The following GRM1 variants were observed in gnomAD, a reference collection of about 807,000 sequenced individuals.
GRM1 encodes metabotropic glutamate receptor 1.
A neutral mutation model predicts 90.9 loss-of-function variants in GRM1; 33 were observed. The observed-to-expected ratio is 0.36, with a 90% CI of 0.28 to 0.49. The LOEUF is 0.49. Ranked by LOEUF, GRM1 falls within the 20% of genes least tolerant of loss-of-function variation. The pLI is 0.99. For synonymous variants in GRM1, 700 were observed against 613.2 expected, an observed-to-expected ratio of 1.14 and a Z score of -2.09; for missense variants, 1,190 against 1,534.3, an observed-to-expected ratio of 0.78 and a Z score of 3.75.
intron 2 of GRM1, among the ~76,000 whole-genome samples, chr6:146,250,505 T>C (rs1781232090): frequency 1.3e-5 from 2 of 152,176 alleles, no homozygotes; most frequent in Non-Finnish European, 2.9e-5. Context: ...GGTCCTTGCT[T>C]CCTCTTTGCC....
intron 2 of GRM1, among the ~76,000 whole-genome samples, chr6:146,236,502 G>C (rs1280910133): frequency 6.6e-6 from 1 of 152,082 alleles, no homozygotes; most frequent in Non-Finnish European, 1.5e-5. Context: ...GGCACTAGGG[G>C]AACATTCTCT....
At chr6:146,206,932 C>A (rs902574303) in intron 2 of GRM1, among the ~76,000 whole-genome samples, 6 of 152,164 alleles carry the variant, frequency 3.9e-5, no homozygotes, top group African/African-American at 1.4e-4. Flanking sequence ...CATTAATTTG[C>A]TAAGGAAAAT....
chr6:146,105,362 C>G (rs552994899), intron 1 of GRM1, among the ~76,000 whole-genome samples: 3 of 151,426 alleles, frequency 2.0e-5, no homozygotes, highest in Non-Finnish European at 4.4e-5. Context: ...AGGCAAATAC[C>G]CTTAGTTAAA....
chr6:146,214,253 T>G (rs575343973), intron 2 of GRM1, among the ~76,000 whole-genome samples: 1 of 152,308 alleles, frequency 6.6e-6, no homozygotes, highest in East Asian at 1.9e-4. Flanking sequence ...TACTCCATGC[T>G]ATATGCAAAG....
intron 2 of GRM1, among the ~76,000 whole-genome samples, chr6:146,242,988 A>AAGCAT (rs1780922822): frequency 6.6e-6 from 1 of 152,124 alleles, no homozygotes; most frequent in Admixed American, 6.6e-5. Context: ...CATGTACTTC[A>AAGCAT]AGCATTCTAA....
rs1219146354 is a variant in GRM1, at chr6:146,202,300, G to A, written c.950+42703G>A. Among the ~76,000 whole-genome samples, 5 of 152,046 alleles carry A rather than the reference G, an allele frequency of 3.3e-5. No homozygotes were observed. The South Asian group carries it at 1.0e-3, about 32-fold the overall frequency. Reference sequence around the variant, plus strand: ...TAACTGGTTAGTATGGGATCTGTCGGGTTTGAAGCCATACAGACTTTTACT... The same window carrying A: ...TAACTGGTTAGTATGGGATCTGTCGAGTTTGAAGCCATACAGACTTTTACT... On this transcript the variant is annotated intron_variant, in intron 2 of 7. Transcript: ENST00000282753.
rs1272826368 is a variant in GRM1 at position 146,304,714 on chromosome 6, G to A, written c.1054G>A (p.Asp352Asn). The change falls in exon 3 of 8, where the codon GAT (aspartate) becomes AAT (asparagine). Residue 352 changes from aspartate to asparagine, a missense_variant. Physicochemically the swap from Asp to Asn is conservative, Grantham distance 23. This residue lies in a region of GRM1 where 414 missense variants were observed against 598.4 expected (regional missense o/e 0.69). Coordinates refer to ENST00000282753, the MANE Select transcript of GRM1 (RefSeq NM_001278064.2). ...GTCTCCAGAGGTCAGGTCATTTGAT[G>A]ATTATTTCCTGAAACTGAGGCTGGA... ...LQSPEVRSFDDYFLKLRLDTN... is the reference protein window; with the variant it reads ...LQSPEVRSFDNYFLKLRLDTN... 1.2e-6 allele frequency: 2 copies of A among 1,613,780 alleles called. No homozygotes were observed. Among genetic ancestry groups the A allele is most frequent in the Non-Finnish European group, 8.5e-7 (1 of 1,179,782 alleles).
chr6:146,375,867 G>A (rs1282465778), intron 5 of GRM1, among the ~76,000 whole-genome samples: 1 of 151,966 alleles, frequency 6.6e-6, no homozygotes, highest in African/African-American at 2.4e-5. Context: ...TACATTCCAT[G>A]TTATTATTGA....
At chr6:146,391,653 G>A (rs1776727647) in intron 6 of GRM1, among the ~76,000 whole-genome samples, 2 of 151,656 alleles carry the variant, frequency 1.3e-5, no homozygotes, top group South Asian at 4.2e-4. Flanking sequence ...CCTCAAGATG[G>A]CAAAGCTAAT....
At chr6:146,344,714 T>C (rs1785107793) in intron 3 of GRM1, among the ~76,000 whole-genome samples, 1 of 152,234 alleles carries the variant, frequency 6.6e-6, no homozygotes, top group African/African-American at 2.4e-5. Context: ...TGTCATTATT[T>C]AACTGGGCTG....
intron 2 of GRM1, among the ~76,000 whole-genome samples, chr6:146,190,867 T>A (rs1418113228): frequency 6.6e-6 from 1 of 152,160 alleles, no homozygotes; most frequent in Non-Finnish European, 1.5e-5. Flanking sequence ...TTCTTCACAT[T>A]GCTATATCAA....
chr6:146,358,688 C>T (rs1775330346), intron 5 of GRM1, among the ~76,000 whole-genome samples: 1 of 152,146 alleles, frequency 6.6e-6, no homozygotes. Flanking sequence ...GGCAAGAATC[C>T]AGTCATATAA....
At position 146,194,570 on chromosome 6, in the gene GRM1, C is replaced by T. The variant is rs1019670973; in HGVS notation, c.950+34973C>T. On this transcript the variant is annotated intron_variant, in intron 2 of 7. Transcript: ENST00000282753. ...TGCAGTAATGTCTGGAAGCAGCACT[C>T]CCACTATTTGACTCCCTGCTGAGCT... Among the ~76,000 whole-genome samples, 20 of 152,324 alleles carry T rather than the reference C, an allele frequency of 1.3e-4. No individual in the cohort carries two copies. The East Asian group carries it at 1.3e-3, about 10-fold the overall frequency.
At chr6:146,100,556 G>T (rs1482901815) in intron 1 of GRM1, among the ~76,000 whole-genome samples, 1 of 152,210 alleles carries the variant, frequency 6.6e-6, no homozygotes, top group East Asian at 1.9e-4. Context: ...AAGTGTCCTT[G>T]TGTGTGTGAA....
intron 2 of GRM1, among the ~76,000 whole-genome samples, chr6:146,286,243 C>T (rs1041624528): frequency 6.6e-6 from 1 of 151,940 alleles, no homozygotes; most frequent in Non-Finnish European, 1.5e-5. Flanking sequence ...TTTAAATTTC[C>T]TCCAAATTTC....
At chr6:146,177,448 C>A (rs1373150838) in intron 2 of GRM1, among the ~76,000 whole-genome samples, 1 of 152,060 alleles carries the variant, frequency 6.6e-6, no homozygotes, top group African/African-American at 2.4e-5. Flanking sequence ...ATTTGGCTCT[C>A]TTTGATTTTT....
chr6:146,237,191 T>G (rs1780679223), intron 2 of GRM1, among the ~76,000 whole-genome samples: 1 of 152,040 alleles, frequency 6.6e-6, no homozygotes, highest in African/African-American at 2.4e-5. Flanking sequence ...TCCTATATAT[T>G]TTTTTAAACT....
At chr6:146,381,210 A>G (rs767531160) in intron 5 of GRM1, among the ~76,000 whole-genome samples, 24 of 152,108 alleles carry the variant, frequency 1.6e-4, no homozygotes, top group Non-Finnish European at 3.1e-4. Context: ...AAAAGTTCCA[A>G]TCCTTATGAT....
chr6:146,329,495 T>C lies in GRM1; in HGVS notation c.1187-22755T>C, dbSNP rs362974. Among the ~76,000 whole-genome samples, 728 of 152,262 alleles carry C rather than the reference T, an allele frequency of 4.8e-3. 4 individuals carry two copies. Among genetic ancestry groups the C allele is most frequent in the African/African-American group, 0.017 (698 of 41,548 alleles). ...AGGCAGGGTGTTGCGAGAGATTGGA[T>C]ATCATGAAAGCAATGACAAGAGTTT... On this transcript the variant is annotated intron_variant, in intron 3 of 7. Transcript: ENST00000282753.
Sources: allele counts gnomAD v4.1 joint callset (sites outside exome capture counted in the v4.1 genomes callset), GRCh38; gene constraint gnomAD v4.1.1; regional missense constraint gnomAD v4.1.1; transcripts MANE v1.5; gene names NCBI Gene and HGNC (gene_info 2026-07-23, HGNC 2026-07-21).